ZNF91: variants seen among roughly 807,000 people sequenced by gnomAD.
The protein encoded by ZNF91 is zinc finger protein 91 (HPF7, HTF10).
ZNF91 carries 7 observed loss-of-function variants against 12.6 expected under a neutral mutation model. The ratio of observed to expected loss-of-function variants is 0.55; its 90% CI spans 0.31 to 1.04. The LOEUF (loss-of-function observed/expected upper bound fraction) is 1.04. Ranked by LOEUF, ZNF91 falls within the 50% of genes least tolerant of loss-of-function variation. ZNF91 has a pLI of 0.05. For missense variants in ZNF91, 1,217 were observed against 1,385.4 expected, an observed-to-expected ratio of 0.88 and a Z score of 1.93; for synonymous variants, 453 against 462.6, an observed-to-expected ratio of 0.98 and a Z score of 0.27.
chr19:23,378,076 A>G (rs1449402502), intron 1 of ZNF91, among the ~76,000 whole-genome samples: 2 of 152,186 alleles, frequency 1.3e-5, no homozygotes, highest in Non-Finnish European at 2.9e-5. Flanking sequence ...CTATTTTGTG[A>G]CTTGTGAATC....
rs936891437 is a variant in ZNF91, at chr19:23,365,188, TCTAA to T, written c.254-2467_254-2464del. Among the ~76,000 whole-genome samples, 84 of 151,494 alleles carry T rather than the reference TCTAA, an allele frequency of 5.5e-4. No homozygotes were observed. In the South Asian group the frequency reaches 5.8e-3, roughly 11 times the overall value. On this transcript the variant is annotated intron_variant, in intron 3 of 3. Transcript: ENST00000300619. ...TTTGATGTAATAAAAGAAAAAAAATTCTAACTAAGAATACTTGATTTAAATTTAT... is the reference window on the plus strand; with the variant it reads ...TTTGATGTAATAAAAGAAAAAAAATTCTAAGAATACTTGATTTAAATTTAT...
chr19:23,322,602 C>T (rs1967720645), intron 1 of ZNF91, among the ~76,000 whole-genome samples: 1 of 152,110 alleles, frequency 6.6e-6, no homozygotes, highest in South Asian at 2.1e-4. Context: ...ATCCAAAAGC[C>T]ATGAAAAGAG....
intron 1 of ZNF91, among the ~76,000 whole-genome samples, chr19:23,379,254 AT>A (rs1475367409): frequency 6.6e-6 from 1 of 152,190 alleles, no homozygotes; most frequent in Non-Finnish European, 1.5e-5. Context: ...GACAGCACAC[AT>A]TTTACAGCGT....
chr19:23,386,235 C>G (rs951119533), intron 1 of ZNF91, among the ~76,000 whole-genome samples: 2 of 151,960 alleles, frequency 1.3e-5, no homozygotes, highest in Non-Finnish European at 2.9e-5. Flanking sequence ...TCATACTGTC[C>G]TCCAAAATTT....
intron 3 of ZNF91, among the ~76,000 whole-genome samples, chr19:23,340,308 T>A (rs1451156791): frequency 1.3e-5 from 2 of 151,958 alleles, no homozygotes; most frequent in East Asian, 3.9e-4. Flanking sequence ...ACAAATAGAA[T>A]AGAAATCTAA....
At chr19:23,310,823 A>G (rs1428799865), upstream of ZNF91, among the ~76,000 whole-genome samples, 1 of 152,202 alleles carries the variant, frequency 6.6e-6, no homozygotes, top group African/African-American at 2.4e-5. Context: ...TACAGGAAGC[A>G]TTGTGACATA....
chr19:23,339,582 A>G (rs1343378953), intron 3 of ZNF91: 1 of 152,208 alleles, frequency 6.6e-6, no homozygotes, highest in Non-Finnish European at 1.5e-5. Context: ...GAAATTTCAG[A>G]AACTATAAAT....
downstream of ZNF91, among the ~76,000 whole-genome samples, chr19:23,337,471 C>CA (rs34158184): frequency 0.016 from 1,917 of 122,142 alleles, 13 homozygotes; most frequent in African/African-American, 0.024. Flanking sequence ...GTAATAACTT[C>CA]AAAAAAAAAA....
chr19:23,359,609 G>A lies in ZNF91; in HGVS notation c.3370C>T (p.His1124Tyr). Residue 1124 changes from histidine (H) to tyrosine (Y), a missense_variant, in exon 4 of 4, where the codon CAT (histidine) becomes TAT (tyrosine). By Grantham distance (83) the His-to-Tyr change is moderately conservative. Transcript: ENST00000300619. ...TTCTCTCCAGTGTGAATTATCTTATGTTTAGTAAGAGCTGAGGACTCTTTA... is the reference window on the plus strand; with the variant it reads ...TTCTCTCCAGTGTGAATTATCTTATATTTAGTAAGAGCTGAGGACTCTTTA... ...AFKESSALTK[H>Y]KIIHTGEKPY... The A allele has an allele frequency of 6.2e-7, 1 of 1,613,988 alleles. No individual in the cohort carries two copies. The highest frequency in any genetic ancestry group is 8.5e-7 in the Non-Finnish European group (1 of 1,179,914).
At chr19:23,329,969 T>G (rs1245543805) in intron 1 of ZNF91, among the ~76,000 whole-genome samples, 2 of 152,202 alleles carry the variant, frequency 1.3e-5, no homozygotes, top group Non-Finnish European at 1.5e-5. Flanking sequence ...TCTGTCTCAC[T>G]TGGCTGCACA....
upstream of ZNF91, among the ~76,000 whole-genome samples, chr19:23,312,003 G>A (rs998767002): frequency 5.9e-5 from 9 of 151,690 alleles, no homozygotes; most frequent in African/African-American, 1.9e-4. Flanking sequence ...GTGACATATC[G>A]TTAGGCCCAG....
At chr19:23,324,371 CCTT>C (rs1226200737) in intron 1 of ZNF91, 2 of 151,968 alleles carry the variant, frequency 1.3e-5, no homozygotes, top group Non-Finnish European at 2.9e-5. Flanking sequence ...CACTCCTACT[CCTT>C]CTCTTACTGT....
At chr19:23,346,543 G>C (rs560744568) in intron 3 of ZNF91, among the ~76,000 whole-genome samples, 42 of 152,202 alleles carry the variant, frequency 2.8e-4, no homozygotes, top group South Asian at 1.0e-3. Context: ...TTGTTTAACT[G>C]ACGCCATGAG....
chr19:23,347,788 T>A (rs1302327673), intron 3 of ZNF91, among the ~76,000 whole-genome samples: 1 of 152,202 alleles, frequency 6.6e-6, no homozygotes, highest in Non-Finnish European at 1.5e-5. Flanking sequence ...CTTTGGCCAC[T>A]GCCTTTTCCT....
upstream of ZNF91, among the ~76,000 whole-genome samples, chr19:23,314,057 T>C (rs1347549382): frequency 2.0e-5 from 3 of 152,034 alleles, no homozygotes; most frequent in Non-Finnish European, 4.4e-5. Context: ...TGTAGGTCCA[T>C]GAATGTCACA....
intron 1 of ZNF91, among the ~76,000 whole-genome samples, chr19:23,320,255 G>C (rs1467295815): frequency 6.6e-6 from 1 of 152,152 alleles, no homozygotes; most frequent in African/African-American, 2.4e-5. Flanking sequence ...CAGCCAATTG[G>C]GGAGGTGTTG....
At chr19:23,372,414 G>A (rs181992605) in intron 3 of ZNF91, among the ~76,000 whole-genome samples, 42 of 152,240 alleles carry the variant, frequency 2.8e-4, no homozygotes, top group African/African-American at 1.0e-3. Context: ...TATGTTGCAA[G>A]ACCCCATCTC....
chr19:23,343,418 A>G (rs959867553), intron 3 of ZNF91, among the ~76,000 whole-genome samples: 2 of 152,106 alleles, frequency 1.3e-5, no homozygotes, highest in African/African-American at 4.8e-5. Flanking sequence ...GTCCCCATGT[A>G]TATGACCAGT....
At chr19:23,366,978 C>T (rs762526987) in intron 3 of ZNF91, among the ~76,000 whole-genome samples, 4 of 152,182 alleles carry the variant, frequency 2.6e-5, no homozygotes, top group African/African-American at 4.8e-5. Context: ...TCTGTTACGA[C>T]ACATACTAAG....
Sources: allele counts gnomAD v4.1 joint callset (sites outside exome capture counted in the v4.1 genomes callset), GRCh38; gene constraint gnomAD v4.1.1; transcripts MANE v1.5; gene names NCBI Gene and HGNC (gene_info 2026-07-23, HGNC 2026-07-21).